The following ST6GALNAC3 variants were observed in gnomAD, a reference collection of about 807,000 sequenced individuals.
ST6GALNAC3 encodes the protein alpha-N-acetylgalactosaminide alpha-2,6-sialyltransferase 3.
Under a neutral mutation model 32.7 loss-of-function variants are expected in ST6GALNAC3, and 25 were observed. That is an observed-to-expected ratio of 0.76 (90% CI 0.56 to 1.07). ST6GALNAC3 has a LOEUF of 1.07. Among genes scored for constraint, ST6GALNAC3 ranks in the 50% least tolerant of loss-of-function variants. The pLI, the probability that ST6GALNAC3 is intolerant of heterozygous loss-of-function variation, is 0.00. For missense variants in ST6GALNAC3, 355 were observed against 382.4 expected (o/e 0.93, Z 0.60); for synonymous variants, 129 against 133.1 (o/e 0.97, Z 0.21).
At chr1:76,559,544 C>T (rs974476270) in intron 3 of ST6GALNAC3, among the ~76,000 whole-genome samples, 1 of 152,010 alleles carries the variant, frequency 6.6e-6, no homozygotes, top group Non-Finnish European at 1.5e-5. Flanking sequence ...AATTAAAAAC[C>T]TTTGTCCTTC....
intron 3 of ST6GALNAC3, among the ~76,000 whole-genome samples, chr1:76,484,330 A>G (rs1193084581): frequency 4.0e-5 from 6 of 151,790 alleles, no homozygotes; most frequent in African/African-American, 1.5e-4. Flanking sequence ...CCATTTTCAC[A>G]ATATTGATTC....
chr1:76,520,506 A>G (rs1662457181), intron 3 of ST6GALNAC3, among the ~76,000 whole-genome samples: 1 of 152,036 alleles, frequency 6.6e-6, no homozygotes, highest in African/African-American at 2.4e-5. Flanking sequence ...ACACACAATA[A>G]TAAACATACT....
chr1:76,172,834 G>A (rs1371919302), intron 1 of ST6GALNAC3, among the ~76,000 whole-genome samples: 3 of 152,172 alleles, frequency 2.0e-5, no homozygotes. Context: ...CGAAATAAGA[G>A]AGGACACAAA....
chr1:76,139,089 G>T (rs907557591), intron 1 of ST6GALNAC3, among the ~76,000 whole-genome samples: 1 of 152,022 alleles, frequency 6.6e-6, no homozygotes, highest in African/African-American at 2.4e-5. Context: ...AGCTACTAGG[G>T]AGGCTGAGGC....
chr1:76,148,664 C>A (rs931115554), intron 1 of ST6GALNAC3, among the ~76,000 whole-genome samples: 1 of 152,132 alleles, frequency 6.6e-6, no homozygotes, highest in East Asian at 1.9e-4. Flanking sequence ...TCCATCTGGC[C>A]ACAGGAAAGT....
chr1:76,174,801 G>T (rs1223683912), intron 1 of ST6GALNAC3, among the ~76,000 whole-genome samples: 1 of 151,656 alleles, frequency 6.6e-6, no homozygotes, highest in African/African-American at 2.4e-5. Context: ...CAAGTAGCTG[G>T]GATCACAGGT....
chr1:76,228,053 G>T lies in ST6GALNAC3; in HGVS notation c.19-85752G>T, dbSNP rs560821624. ...GGTAAACACCAATCAGCTACAGTTG[G>T]CTTCAGGCCCAAGAGAATTGAGGTT... On this transcript the variant is annotated intron_variant, in intron 1 of 4. Transcript: ENST00000328299. Among the ~76,000 whole-genome samples the T allele has an allele frequency of 3.9e-5, 6 of 152,270 alleles. 1 individual carries two copies. The South Asian group carries it at 1.2e-3, about 32-fold the overall frequency.
At chr1:76,267,894 T>G (rs1269433288) in intron 1 of ST6GALNAC3, among the ~76,000 whole-genome samples, 1 of 152,238 alleles carries the variant, frequency 6.6e-6, no homozygotes, top group Non-Finnish European at 1.5e-5. Context: ...GAAAAAAGAC[T>G]GCAACTTTCT....
At chr1:76,327,282 GT>G (rs1647094169) in intron 2 of ST6GALNAC3, among the ~76,000 whole-genome samples, 1 of 91,690 alleles carries the variant, frequency 1.1e-5, no homozygotes, top group African/African-American at 8.0e-5. Context: ...ATGCGTGTGT[GT>G]GTGTGTGTGT....
chr1:76,531,533 AG>A (rs1393420466), intron 3 of ST6GALNAC3, among the ~76,000 whole-genome samples: 1 of 152,180 alleles, frequency 6.6e-6, no homozygotes, highest in African/African-American at 2.4e-5. Flanking sequence ...ATAGAAACTG[AG>A]TCTGTTAGCC....
At chr1:76,535,281 A>G (rs1407730155) in intron 3 of ST6GALNAC3, among the ~76,000 whole-genome samples, 2 of 152,176 alleles carry the variant, frequency 1.3e-5, no homozygotes, top group Admixed American at 6.5e-5. Context: ...AAGAAATTCT[A>G]CTAGCCTTTA....
chr1:76,512,947 C>G (rs955505091), intron 3 of ST6GALNAC3, among the ~76,000 whole-genome samples: 3 of 150,614 alleles, frequency 2.0e-5, no homozygotes, highest in African/African-American at 7.3e-5. Flanking sequence ...ATTTGTGTGT[C>G]TCACTTTTTC....
chr1:76,323,834 A>G (rs1169402096), intron 2 of ST6GALNAC3, among the ~76,000 whole-genome samples: 1 of 152,176 alleles, frequency 6.6e-6, no homozygotes, highest in African/African-American at 2.4e-5. Context: ...CAAATTTTCT[A>G]CAATGAGCAC....
At position 76,628,622 on chromosome 1, in the gene ST6GALNAC3, C is replaced by A; in HGVS notation, c.734C>A (p.Thr245Lys). The A allele has an allele frequency of 6.3e-7, 1 of 1,592,608 alleles. No homozygotes were observed. Among genetic ancestry groups the A allele is most frequent in the Non-Finnish European group, 8.5e-7 (1 of 1,173,634 alleles). ...TTTTCTTTTTTTTTCTTTTCTAGGACAGAAGGGTATAGAAAAGTCCCCTAC... is the reference window on the plus strand; with the variant it reads ...TTTTCTTTTTTTTTCTTTTCTAGGAAAGAAGGGTATAGAAAAGTCCCCTAC... ...YGMINDTYCK[T>K]EGYRKVPYHY... Residue 245 changes from threonine (T) to lysine (K), a missense_variant and splice_region_variant, in exon 5 of 5, where the codon ACA (threonine) becomes AAA (lysine). Coordinates refer to ENST00000328299, the MANE Select transcript of ST6GALNAC3 (RefSeq NM_152996.4).
chr1:76,348,752 A>G (rs922046752), intron 2 of ST6GALNAC3, among the ~76,000 whole-genome samples: 2 of 152,168 alleles, frequency 1.3e-5, no homozygotes, highest in African/African-American at 4.8e-5. Flanking sequence ...ATGCCTATAT[A>G]TATATATATG....
At chr1:76,485,608 T>C (rs1287243673) in intron 3 of ST6GALNAC3, among the ~76,000 whole-genome samples, 5 of 152,230 alleles carry the variant, frequency 3.3e-5, no homozygotes, top group African/African-American at 7.2e-5. Flanking sequence ...TTGATTCTTC[T>C]CTGTTTTCTT....
At chr1:76,323,029 A>G (rs1334773289) in intron 2 of ST6GALNAC3, among the ~76,000 whole-genome samples, 1 of 152,142 alleles carries the variant, frequency 6.6e-6, no homozygotes, top group Admixed American at 6.5e-5. Flanking sequence ...TAAAAATACA[A>G]AAATTACCTC....
At chr1:76,238,309 A>T (rs1477002826) in intron 1 of ST6GALNAC3, among the ~76,000 whole-genome samples, 1 of 152,236 alleles carries the variant, frequency 6.6e-6, no homozygotes, top group Non-Finnish European at 1.5e-5. Context: ...ACTCAGACAG[A>T]TCAATAAAAT....
chr1:76,365,094 T>C (rs985631173), intron 2 of ST6GALNAC3, among the ~76,000 whole-genome samples: 3 of 152,180 alleles, frequency 2.0e-5, no homozygotes, highest in Non-Finnish European at 4.4e-5. Flanking sequence ...CAATAGTGGA[T>C]TGGATAAAGA....
Sources: allele counts gnomAD v4.1 joint callset (sites outside exome capture counted in the v4.1 genomes callset), GRCh38; gene constraint gnomAD v4.1.1; transcripts MANE v1.5; gene names NCBI Gene and HGNC (gene_info 2026-07-23, HGNC 2026-07-21).